TENM2: variants seen among roughly 807,000 people sequenced by gnomAD.
TENM2 encodes the protein teneurin transmembrane protein 2, also known as teneurin-2.
In TENM2, 52 loss-of-function variants were observed where a neutral mutation model predicts 245.2. The observed-to-expected ratio is 0.21, with a 90% CI of 0.17 to 0.27. TENM2 has a LOEUF of 0.27. Among genes scored for constraint, TENM2 ranks in the 10% least tolerant of loss-of-function variants. The pLI, the probability that TENM2 is intolerant of heterozygous loss-of-function variation, is 1.00. For missense variants in TENM2, 3,046 were observed against 3,666.8 expected (o/e 0.83, Z 4.37); for synonymous variants, 1,363 against 1,438.9 (o/e 0.95, Z 1.19).
chr5:168,050,010 C>T (rs1336790595), intron 6 of TENM2, among the ~76,000 whole-genome samples: 1 of 152,054 alleles, frequency 6.6e-6, no homozygotes, highest in Non-Finnish European at 1.5e-5. Context: ...ACCATGTTGC[C>T]CAGGCTGGTT....
chr5:167,062,063 T>C, the TENM2 span, among the ~76,000 whole-genome samples: 1 of 152,118 alleles, frequency 6.6e-6, no homozygotes. Context: ...TGGCACTTAG[T>C]AATTTTAATA....
intron 2 of TENM2, among the ~76,000 whole-genome samples, chr5:167,633,779 A>G (rs990281781): frequency 2.0e-5 from 3 of 152,142 alleles, no homozygotes; most frequent in African/African-American, 7.2e-5. Context: ...GTGCAATTCT[A>G]CAAAAGAAAT....
intron 9 of TENM2, 78 bp from the exon 12 acceptor site, chr5:168,118,214 G>T (rs1028387895): frequency 6.4e-6 from 8 of 1,248,930 alleles, no homozygotes; most frequent in Middle Eastern, 2.0e-4. Flanking sequence ...AGGCCAGACA[G>T]CTCTACCTCC....
intron 2 of TENM2, among the ~76,000 whole-genome samples, chr5:167,381,700 A>G (rs1049792732): frequency 4.6e-5 from 7 of 152,144 alleles, no homozygotes; most frequent in African/African-American, 7.2e-5. Flanking sequence ...GGTCTGACTT[A>G]GCCTTTGTAG....
chr5:166,991,474 G>A, the TENM2 span, among the ~76,000 whole-genome samples: 2 of 151,930 alleles, frequency 1.3e-5, no homozygotes, highest in African/African-American at 2.4e-5. Flanking sequence ...CAGTTGAAAA[G>A]CTCCCTTTTT....
At chr5:167,008,490 T>G in the TENM2 span, among the ~76,000 whole-genome samples, 2 of 152,324 alleles carry the variant, frequency 1.3e-5, no homozygotes, top group South Asian at 4.1e-4. Flanking sequence ...AACCAGTTTT[T>G]ATTACAACTT....
At position 167,769,260 on chromosome 5, in the gene TENM2, T is replaced by C. The variant is rs546580481; in HGVS notation, c.503-106726T>C. ...TTTGGGGAGCACTTAGAAATGTGGTTCATGCATGTGTGAACCTCGTCAGTG... is the reference window on the plus strand; with the variant it reads ...TTTGGGGAGCACTTAGAAATGTGGTCCATGCATGTGTGAACCTCGTCAGTG... On this transcript the variant is annotated intron_variant, in intron 2 of 28. Transcript: ENST00000518659. 5.3e-4 allele frequency among the ~76,000 whole-genome samples: 81 copies of C among 152,192 alleles called. 1 individual carries two copies. Among genetic ancestry groups the C allele is most frequent in the Non-Finnish European group, 9.1e-4 (62 of 68,028 alleles).
the TENM2 span, chr5:167,165,352 T>G: frequency 6.6e-6 from 1 of 152,204 alleles, no homozygotes; most frequent in Non-Finnish European, 1.5e-5. Flanking sequence ...GTGTCTTCTC[T>G]ATTCAGTAGG....
At chr5:167,131,602 C>G in the TENM2 span, among the ~76,000 whole-genome samples, 67,460 of 151,872 alleles carry the variant, frequency 0.44, 15,291 homozygotes, top group South Asian at 0.57. Flanking sequence ...AGCTAGCATC[C>G]ATCAATAGCA....
chr5:167,144,042 A>C, the TENM2 span, among the ~76,000 whole-genome samples: 1 of 152,170 alleles, frequency 6.6e-6, no homozygotes. Flanking sequence ...CTGTATTCAC[A>C]TTGAAATGAG....
the TENM2 span, among the ~76,000 whole-genome samples, chr5:167,192,825 A>G: frequency 4.6e-5 from 7 of 152,064 alleles, no homozygotes; most frequent in Non-Finnish European, 1.0e-4. Flanking sequence ...ACGCAACTTC[A>G]CTTAGGAAGC....
intron 2 of TENM2, among the ~76,000 whole-genome samples, chr5:167,773,921 G>C (rs1763567300): frequency 6.6e-6 from 1 of 152,058 alleles, no homozygotes; most frequent in African/African-American, 2.4e-5. Context: ...AATATTAAGT[G>C]AGCGTTCCAA....
At chr5:167,419,714 C>T (rs1229431689) in intron 2 of TENM2, among the ~76,000 whole-genome samples, 1 of 152,158 alleles carries the variant, frequency 6.6e-6, no homozygotes, top group East Asian at 1.9e-4. Flanking sequence ...ATTTACTCAT[C>T]ACTTTCTGTA....
At position 167,533,624 on chromosome 5, in the gene TENM2, CT is replaced by C. The variant is rs369588402; in HGVS notation, c.502+158160del. Among the ~76,000 whole-genome samples, 603 of 151,316 alleles carry C rather than the reference CT, an allele frequency of 4.0e-3. 6 individuals carry two copies. Among genetic ancestry groups the C allele is most frequent in the Non-Finnish European group, 6.9e-3 (469 of 67,748 alleles). On this transcript the variant is annotated intron_variant, in intron 2 of 28. Coordinates refer to ENST00000518659, the Ensembl canonical transcript of TENM2. ...GGCATGCATCACCACGCTTGGCTAA[CT>C]TTTTTTTTATTGTTTATAGAAATGG...
In TENM2 at chr5:168,238,202, G is replaced by A. The variant is rs1443472459; in HGVS notation, c.5521-6218G>A. Reference sequence around the variant, plus strand: ...GAGAGAGAGGGAGGGAGGGAGGGAGGGAGGGAGGGAGGGAGAGAGAAGAAA... The same window carrying A: ...GAGAGAGAGGGAGGGAGGGAGGGAGAGAGGGAGGGAGGGAGAGAGAAGAAA... On this transcript the variant is annotated intron_variant, in intron 25 of 28. Coordinates refer to ENST00000518659, the Ensembl canonical transcript of TENM2. 8.5e-3 allele frequency among the ~76,000 whole-genome samples: 493 copies of A among 57,944 alleles called. 107 individuals carry two copies. Among genetic ancestry groups the A allele is most frequent in the African/African-American group, 0.035 (356 of 10,152 alleles). The allele number at this position is 57,944 out of a possible 152,430, so 38.0% of individuals were successfully genotyped here.
intron 2 of TENM2, among the ~76,000 whole-genome samples, chr5:167,596,019 C>A (rs1776181815): frequency 6.6e-6 from 1 of 152,088 alleles, no homozygotes; most frequent in Non-Finnish European, 1.5e-5. Flanking sequence ...CAAAACCTAA[C>A]CCCCCTTATT....
chr5:167,715,113 T>G (rs1232104025), intron 2 of TENM2, among the ~76,000 whole-genome samples: 2 of 152,104 alleles, frequency 1.3e-5, no homozygotes, highest in Admixed American at 6.6e-5. Flanking sequence ...TCTCTTGGTC[T>G]TGGAAGGAAG....
the TENM2 span, among the ~76,000 whole-genome samples, chr5:167,088,539 C>A: frequency 0.63 from 95,151 of 151,710 alleles, 32,196 homozygotes; most frequent in African/African-American, 0.9. Flanking sequence ...AGGCAGGAGA[C>A]TCGCTTGAAC....
At chr5:168,191,338 C>A (rs1034107506) in intron 14 of TENM2, among the ~76,000 whole-genome samples, 1 of 152,148 alleles carries the variant, frequency 6.6e-6, no homozygotes. Context: ...CTATGCACTA[C>A]GTATGATTCT....
Sources: allele counts gnomAD v4.1 joint callset (sites outside exome capture counted in the v4.1 genomes callset), GRCh38; gene constraint gnomAD v4.1.1; transcripts MANE v1.5; gene names NCBI Gene and HGNC (gene_info 2026-07-23, HGNC 2026-07-21).